OR5B12: variants seen among roughly 807,000 people sequenced by gnomAD.
OR5B12 encodes the protein olfactory receptor 5B12.
For missense variants in OR5B12, 418 were observed against 377.0 expected (o/e 1.11, Z -0.90); for synonymous variants, 154 against 138.0 (o/e 1.12, Z -0.81).
In OR5B12 at chr11:58,439,707, A is replaced by G. The variant is rs746277496; in HGVS notation, c.445T>C (p.Cys149Arg). 1.9e-6 allele frequency: 3 copies of G among 1,614,184 alleles called. No individual in the cohort carries two copies. Among genetic ancestry groups the G allele is most frequent in the Non-Finnish European group, 2.5e-6 (3 of 1,180,022 alleles). Residue 149 changes from cysteine (C) to arginine (R), a missense_variant, in exon 2 of 2, where the codon TGT becomes CGT. Cys to Arg is a radical substitution (Grantham distance 180). Coordinates refer to ENST00000641921, the MANE Select transcript of OR5B12 (RefSeq NM_001004733.3). ...TGAATGGATGCATTCAGGAAACCAC[A>G]GATGTAGGAGCCTATGGCCAGGCAA... ...CACLAIGSYI[C>R]GFLNASIHTG... is the part of the protein sequence containing the mutation.
At chr11:58,441,475 T>C (rs1249008098) in intron 1 of OR5B12, among the ~76,000 whole-genome samples, 1 of 152,188 alleles carries the variant, frequency 6.6e-6, no homozygotes, top group African/African-American at 2.4e-5. Context: ...AATGCAATCT[T>C]ATTCTTTGTA....
chr11:58,439,894 T>C lies in OR5B12; in HGVS notation c.258A>G (p.Gly86=), dbSNP rs1288746405. Residue 86 remains glycine, a synonymous_variant, in exon 2 of 2, where the codon GGA becomes GGG. Coordinates refer to ENST00000641921, the MANE Select transcript of OR5B12 (RefSeq NM_001004733.3). The part of the protein sequence containing the change: ...TPKVMVGFLT[G]DKFILYNACA... ...AAGCATTATATAATATGAATTTGTC[T>C]CCTGTGAGAAACCCCACCATCACCT... The C allele has an allele frequency of 1.3e-5, 21 of 1,614,004 alleles. No individual in the cohort carries two copies. Among genetic ancestry groups the C allele is most frequent in the Non-Finnish European group, 1.7e-5 (20 of 1,180,040 alleles).
In OR5B12 at chr11:58,438,998, T is replaced by C. The variant is rs1169131866; in HGVS notation, c.*209A>G. On this transcript the variant is annotated 3_prime_UTR_variant, in exon 2 of 2. Coordinates refer to ENST00000641921, the MANE Select transcript of OR5B12 (RefSeq NM_001004733.3). Reference sequence around the variant, plus strand: ...GCCTAGATGGGAGGAGAGATCTGATTTTTAGAATATGCTATTTTTTATTAT... The same window carrying C: ...GCCTAGATGGGAGGAGAGATCTGATCTTTAGAATATGCTATTTTTTATTAT... The C allele has an allele frequency of 2.9e-6, 1 of 342,930 alleles. No individual in the cohort carries two copies. Among genetic ancestry groups the C allele is most frequent in the African/African-American group, 2.1e-5 (1 of 47,108 alleles). 21.2% of individuals were successfully genotyped at this position (342,930 alleles called of 1,614,324 possible).
Position 58,439,093 on chromosome 11 carries a change from A to G in OR5B12, c.*114T>C. ...AATGAAGAAAGTATGGCCAATTCAT[A>G]TGTTTAAGAAAACAGTCAATAGAAA... On this transcript the variant is annotated 3_prime_UTR_variant, in exon 2 of 2. Coordinates refer to ENST00000641921, the MANE Select transcript of OR5B12 (RefSeq NM_001004733.3). 2.0e-6 allele frequency: 1 copy of G among 512,460 alleles called. No individual in the cohort carries two copies. Among genetic ancestry groups the G allele is most frequent in the South Asian group, 4.2e-5 (1 of 23,624 alleles). The allele number at this position is 512,460 out of a possible 1,614,324, so 31.7% of individuals were successfully genotyped here. A position where few individuals can be genotyped will look rare whatever the true frequency, so the allele number is the denominator to read the frequency against.
Position 58,440,180 on chromosome 11 carries a change from T to G in OR5B12, c.-19-10A>C. The stretch of plus-strand genomic sequence containing the variant: ...GAATTATGTAGCTGCCCTGTAGAAA[T>G]GAAAAGGCAGAATCAGAATGATAAA... On this transcript the variant is annotated splice_polypyrimidine_tract_variant and intron_variant, in intron 1 of 1. Coordinates refer to ENST00000641921, the MANE Select transcript of OR5B12 (RefSeq NM_001004733.3). 6 of 1,443,750 alleles carry G rather than the reference T, an allele frequency of 4.2e-6. No individual in the cohort carries two copies. The highest frequency in any genetic ancestry group is 5.7e-6 in the Non-Finnish European group (6 of 1,054,272). 89.4% of individuals were successfully genotyped at this position (1,443,750 alleles called of 1,614,324 possible).
Position 58,439,975 on chromosome 11 carries a change from G to T in OR5B12, c.177C>A (p.Phe59Leu). ...CCACCAGGGAGAGGTTACTGAGGAA[G>T]AAGTACATGGGGGTGTGGAGACAGG... is the stretch of plus-strand genomic sequence containing the variant. ...LDSCLHTPMYFFLSNLSLVDF... is the reference protein window; with the variant it reads ...LDSCLHTPMYLFLSNLSLVDF... Residue 59 changes from phenylalanine to leucine, a missense_variant, in exon 2 of 2, where the codon TTC becomes TTA. Physicochemically the swap from Phe to Leu is conservative, Grantham distance 22. Coordinates refer to ENST00000641921, the MANE Select transcript of OR5B12 (RefSeq NM_001004733.3). 1 of 1,614,170 alleles carries T rather than the reference G, an allele frequency of 6.2e-7. No individual in the cohort carries two copies. The highest frequency in any genetic ancestry group is 8.5e-7 in the Non-Finnish European group (1 of 1,180,034).
At position 58,439,623 on chromosome 11, in the gene OR5B12, A is replaced by C. The variant is rs111307779; in HGVS notation, c.529T>G (p.Cys177Gly). 1.2e-5 allele frequency: 20 copies of C among 1,614,146 alleles called. No homozygotes were observed. The African/African-American group carries it at 1.3e-4, about 11-fold the overall frequency. The part of the protein sequence containing the change: ...CRSNVVEHFF[C>G]DAPPLLTLSC... ...AGAGTCAAGAGAGGAGGAGCATCACAGAAAAAGTGTTCAACTACATTGGAT... is the reference window on the plus strand; with the variant it reads ...AGAGTCAAGAGAGGAGGAGCATCACCGAAAAAGTGTTCAACTACATTGGAT... The change falls in exon 2 of 2, where the codon TGT (cysteine) becomes GGT (glycine). Residue 177 changes from cysteine (C) to glycine (G), a missense_variant. Transcript: ENST00000641921.
In OR5B12 at chr11:58,439,512, T is replaced by A. The variant is rs200460110; in HGVS notation, c.640A>T (p.Ile214Phe). The A allele has an allele frequency of 7.4e-6, 12 of 1,613,630 alleles. No individual in the cohort carries two copies. The highest frequency in any genetic ancestry group is 9.3e-6 in the Non-Finnish European group (11 of 1,179,936). Residue 214 changes from isoleucine to phenylalanine, a missense_variant, in exon 2 of 2, where the codon ATC (isoleucine) becomes TTC (phenylalanine). Transcript: ENST00000641921. ...GTGATAAATATAAATAAGTAGGAGATCAAGATTACCAGGATAGAAAAGAGG... is the reference window on the plus strand; with the variant it reads ...GTGATAAATATAAATAAGTAGGAGAACAAGATTACCAGGATAGAAAAGAGG... ...NDLFSILVIL[I>F]SYLFIFITIM...
chr11:58,440,190 G>A lies in OR5B12; in HGVS notation c.-19-20C>T, dbSNP rs1415993448. On this transcript the variant is annotated intron_variant, in intron 1 of 1. Coordinates refer to ENST00000641921, the MANE Select transcript of OR5B12 (RefSeq NM_001004733.3). ...GCTGCCCTGTAGAAATGAAAAGGCA[G>A]AATCAGAATGATAAATGGAGGGAGG... 6 of 1,386,292 alleles carry A rather than the reference G, an allele frequency of 4.3e-6. No homozygotes were observed. Among genetic ancestry groups the A allele is most frequent in the South Asian group, 2.7e-5 (2 of 74,374 alleles). 85.9% of individuals were successfully genotyped at this position (1,386,292 alleles called of 1,614,324 possible). A position where few individuals can be genotyped will look rare whatever the true frequency, so the allele number is the denominator to read the frequency against.
chr11:58,441,450 T>A (rs192229795), intron 1 of OR5B12, among the ~76,000 whole-genome samples: 4 of 152,298 alleles, frequency 2.6e-5, no homozygotes, highest in Admixed American at 2.6e-4. Context: ...ATAAATAGTT[T>A]AACTTGCTCA....
At position 58,439,886 on chromosome 11, in the gene OR5B12, A is replaced by T; in HGVS notation, c.266T>A (p.Phe89Tyr). 6.2e-7 allele frequency: 1 copy of T among 1,614,146 alleles called. No homozygotes were observed. The highest frequency in any genetic ancestry group is 8.5e-7 in the Non-Finnish European group (1 of 1,180,042). The change falls in exon 2 of 2, where the codon TTC (phenylalanine) becomes TAC (tyrosine). Residue 89 changes from phenylalanine to tyrosine, a missense_variant. Coordinates refer to ENST00000641921, the MANE Select transcript of OR5B12 (RefSeq NM_001004733.3). ...VMVGFLTGDK[F>Y]ILYNACATQF... ...TGTGGCACAAGCATTATATAATATG[A>T]ATTTGTCTCCTGTGAGAAACCCCAC...
At position 58,440,028 on chromosome 11, in the gene OR5B12, C is replaced by G. The variant is rs1426971447; in HGVS notation, c.124G>C (p.Gly42Arg). The G allele has an allele frequency of 2.5e-6, 4 of 1,614,060 alleles. No individual in the cohort carries two copies. The highest frequency in any genetic ancestry group is 3.4e-6 in the Non-Finnish European group (4 of 1,180,008). Residue 42 changes from glycine to arginine, a missense_variant, in exon 2 of 2, where the codon GGG (glycine) becomes CGG (arginine). Transcript: ENST00000641921. ...IYLITLVGNL[G>R]MIELILLDSC... ...TCCAGTAGAATCAATTCAATCATCCCCAGGTTCCCAACCAGAGTGATGAGG... is the reference window on the plus strand; with the variant it reads ...TCCAGTAGAATCAATTCAATCATCCGCAGGTTCCCAACCAGAGTGATGAGG...
Position 58,439,675 on chromosome 11 carries a change from C to A in OR5B12, c.477G>T (p.Gly159=). ...TACAGAAGGAGAGCCTGAAAGTGTT[C>A]CCAGTATGAATGGATGCATTCAGGA... ...CGFLNASIHT[G]NTFRLSFCRS... is the part of the protein sequence containing the mutation. The change falls in exon 2 of 2, where the codon GGG becomes GGT. Residue 159 remains glycine (G), a synonymous_variant. Coordinates refer to ENST00000641921, the MANE Select transcript of OR5B12 (RefSeq NM_001004733.3). 6.2e-7 allele frequency: 1 copy of A among 1,614,024 alleles called. No homozygotes were observed. Among genetic ancestry groups the A allele is most frequent in the South Asian group, 1.1e-5 (1 of 91,066 alleles).
chr11:58,439,490 A>G lies in OR5B12; in HGVS notation c.662T>C (p.Ile221Thr). 1 of 1,614,110 alleles carries G rather than the reference A, an allele frequency of 6.2e-7. No individual in the cohort carries two copies. The highest frequency in any genetic ancestry group is 8.5e-7 in the Non-Finnish European group (1 of 1,180,012). Reference protein sequence around the residue: ...VILISYLFIFITIMKMRSPEG... With the variant: ...VILISYLFIFTTIMKMRSPEG... Reference sequence around the variant, plus strand: ...AGGTGAGCGCATCTTCATGATGGTGATAAATATAAATAAGTAGGAGATCAA... The same window carrying G: ...AGGTGAGCGCATCTTCATGATGGTGGTAAATATAAATAAGTAGGAGATCAA... The change falls in exon 2 of 2, where the codon ATC becomes ACC. Residue 221 changes from isoleucine (I) to threonine (T), a missense_variant. Physicochemically the swap from Ile to Thr is moderately conservative, Grantham distance 89. Transcript: ENST00000641921.
rs1338103948 is a variant in OR5B12 at position 58,439,996 on chromosome 11, A to G, written c.156T>C (p.Cys52=). 4 of 1,614,024 alleles carry G rather than the reference A, an allele frequency of 2.5e-6. No individual in the cohort carries two copies. Among genetic ancestry groups the G allele is most frequent in the Non-Finnish European group, 3.4e-6 (4 of 1,180,034 alleles). The change falls in exon 2 of 2, where the codon TGT becomes TGC. Residue 52 remains cysteine, a synonymous_variant. Transcript: ENST00000641921. ...GGAAGAAGTACATGGGGGTGTGGAG[A>G]CAGGAGTCCAGTAGAATCAATTCAA... ...GMIELILLDS[C]LHTPMYFFLS...
rs1173061393 is a variant in OR5B12, at chr11:58,440,107, T to C, written c.45A>G (p.Leu15=). ...TEVTEFILVG[L]TDDPELQIPL... is the part of the protein sequence containing the mutation. ...GGATCTGCAGTTCTGGGTCATCAGT[T>C]AACCCCACAAGGATGAATTCAGTCA... The change falls in exon 2 of 2, where the codon TTA becomes TTG. Residue 15 remains leucine, a synonymous_variant. Coordinates refer to ENST00000641921, the MANE Select transcript of OR5B12 (RefSeq NM_001004733.3). 6.2e-7 allele frequency: 1 copy of C among 1,613,154 alleles called. No individual in the cohort carries two copies. The highest frequency in any genetic ancestry group is 1.7e-5 in the Admixed American group (1 of 59,994).
At position 58,439,376 on chromosome 11, in the gene OR5B12, C is replaced by T. The variant is rs751680530; in HGVS notation, c.776G>A (p.Arg259Gln). Reference sequence around the variant, plus strand: ...GCCCATGAAATGGCTGGAGTTAGGTCGTAAGTACATAAAGATTCCTGTCCC... The same window carrying T: ...GCCCATGAAATGGCTGGAGTTAGGTTGTAAGTACATAAAGATTCCTGTCCC... ...FYGTGIFMYL[R>Q]PNSSHFMGTD... Residue 259 changes from arginine to glutamine, a missense_variant, in exon 2 of 2, where the codon CGA (arginine) becomes CAA (glutamine). By Grantham distance (43) the Arg-to-Gln change is conservative. Transcript: ENST00000641921. The T allele has an allele frequency of 8.7e-6, 14 of 1,613,748 alleles. No homozygotes were observed. The highest frequency in any genetic ancestry group is 5.0e-5 in the Admixed American group (3 of 59,926).
Position 58,439,507 on chromosome 11 carries a change from G to A in OR5B12, c.645C>T (p.Ser215=), listed in dbSNP as rs753614012. ...TGATGGTGATAAATATAAATAAGTA[G>A]GAGATCAAGATTACCAGGATAGAAA... ...DLFSILVILI[S]YLFIFITIMK... is the part of the protein sequence containing the mutation. The change falls in exon 2 of 2, where the codon TCC becomes TCT. Residue 215 remains serine, a synonymous_variant. Coordinates refer to ENST00000641921, the MANE Select transcript of OR5B12 (RefSeq NM_001004733.3). 1.2e-6 allele frequency: 2 copies of A among 1,613,924 alleles called. No homozygotes were observed. The highest frequency in any genetic ancestry group is 1.7e-6 in the Non-Finnish European group (2 of 1,179,984).
rs1324125021 is a variant in OR5B12 at position 58,439,737 on chromosome 11, A to G, written c.415T>C (p.Cys139Arg). The G allele has an allele frequency of 1.2e-6, 2 of 1,614,194 alleles. No individual in the cohort carries two copies. ...TAGGAGCCTATGGCCAGGCAAGCAC[A>G]TACATTTGTTGTCATGGTGGTGGTG... ...HYTTTMTTNV[C>R]ACLAIGSYIC... The change falls in exon 2 of 2, where the codon TGT (cysteine) becomes CGT (arginine). Residue 139 changes from cysteine to arginine, a missense_variant. By Grantham distance (180) the Cys-to-Arg change is radical (BLOSUM62 -3). Transcript: ENST00000641921.
Sources: allele counts gnomAD v4.1 joint callset (sites outside exome capture counted in the v4.1 genomes callset), GRCh38; gene constraint gnomAD v4.1.1; transcripts MANE v1.5; gene names NCBI Gene and HGNC (gene_info 2026-07-23, HGNC 2026-07-21).